Variants in FBXW7 observed in about 807,000 individuals in gnomAD.
FBXW7 encodes the protein F-box and WD repeat domain containing 7.
A neutral mutation model predicts 86.3 loss-of-function variants in FBXW7; 11 were observed. That is an observed-to-expected ratio of 0.13 (90% confidence interval 0.08 to 0.21). The LOEUF is 0.21. FBXW7 is among the 10% of genes least tolerant of loss of function. The pLI, the probability that FBXW7 is intolerant of heterozygous loss-of-function variation, is 1.00. For missense variants in FBXW7, 488 were observed against 847.4 expected, an observed-to-expected ratio of 0.58 and a Z score of 5.27; for synonymous variants, 313 against 297.9, an observed-to-expected ratio of 1.05 and a Z score of -0.52.
At chr4:152,419,820 AT>A (rs1198495609) in intron 2 of FBXW7, among the ~76,000 whole-genome samples, 2 of 152,192 alleles carry the variant, frequency 1.3e-5, no homozygotes, top group African/African-American at 2.4e-5. Flanking sequence ...TGTAAAAAAA[AT>A]GTACATACCT....
chr4:152,454,556 T>A (rs1742231798), intron 2 of FBXW7, among the ~76,000 whole-genome samples: 1 of 151,926 alleles, frequency 6.6e-6, no homozygotes, highest in Non-Finnish European at 1.5e-5. Context: ...CTGGTTGAAC[T>A]GAATGCAAAA....
At chr4:152,515,095 C>T (rs543034150) in intron 2 of FBXW7, among the ~76,000 whole-genome samples, 1 of 152,260 alleles carries the variant, frequency 6.6e-6, no homozygotes, top group East Asian at 1.9e-4. Context: ...AGGTCAAGAA[C>T]ATCTAGGAAA....
Position 152,528,938 on chromosome 4 carries a change from TTG to T in FBXW7, c.-120+6001_-120+6002del, listed in dbSNP as rs142822510. On this transcript the variant is annotated intron_variant, in intron 2 of 13. Transcript: ENST00000281708. ...CTAGGTATATCTACACATACATACT[TTG>T]TGTGTGTGTGTGTGTGTGTACATTT... Among the ~76,000 whole-genome samples the T allele has an allele frequency of 2.5e-4, 37 of 149,894 alleles. No individual in the cohort carries two copies. The East Asian group carries it at 3.7e-3, about 15-fold the overall frequency.
At chr4:152,411,207 A>C (rs1737919933) in intron 4 of FBXW7, 96 bp downstream of exon 4, 11 of 1,385,986 alleles carry the variant, frequency 7.9e-6, no homozygotes, top group Non-Finnish European at 1.0e-5. Flanking sequence ...TCTTAAGATT[A>C]ATTTTTAGTA....
intron 4 of FBXW7, among the ~76,000 whole-genome samples, chr4:152,375,752 A>C (rs1434744402): frequency 3.9e-5 from 6 of 152,136 alleles, no homozygotes; most frequent in African/African-American, 7.2e-5. Flanking sequence ...ATGTCTTGTA[A>C]CATTAGAAAC....
chr4:152,349,589 C>A (rs1258945854), intron 5 of FBXW7, among the ~76,000 whole-genome samples: 3 of 151,762 alleles, frequency 2.0e-5, no homozygotes, highest in Non-Finnish European at 3.0e-5. Flanking sequence ...ACCTACCAAG[C>A]CCATAAAAGA....
At chr4:152,392,885 T>C (rs549258512) in intron 4 of FBXW7, among the ~76,000 whole-genome samples, 32 of 152,320 alleles carry the variant, frequency 2.1e-4, no homozygotes, top group African/African-American at 6.5e-4. Context: ...CAAGTTTCTA[T>C]TTTCATAATA....
chr4:152,422,957 TTGATC>T (rs1317839408), intron 2 of FBXW7, among the ~76,000 whole-genome samples: 1 of 152,222 alleles, frequency 6.6e-6, no homozygotes, highest in Non-Finnish European at 1.5e-5. Context: ...AAATTTATGT[TTGATC>T]TGACTTTTCG....
At chr4:152,341,155 A>G (rs568064478) in intron 6 of FBXW7, among the ~76,000 whole-genome samples, 1 of 152,306 alleles carries the variant, frequency 6.6e-6, no homozygotes, top group East Asian at 1.9e-4. Flanking sequence ...TGCTACTGTC[A>G]GAAAGTCTTA....
At chr4:152,534,283 G>A (rs200080876) in intron 2 of FBXW7, among the ~76,000 whole-genome samples, 4,611 of 151,496 alleles carry the variant, frequency 0.03, 119 homozygotes, top group African/African-American at 0.061. Flanking sequence ...GGGTGAAAGG[G>A]AAAAAATCAC....
chr4:152,442,670 G>A (rs1485559536), intron 2 of FBXW7, among the ~76,000 whole-genome samples: 1 of 152,080 alleles, frequency 6.6e-6, no homozygotes, highest in East Asian at 1.9e-4. Context: ...ATAAAAATCA[G>A]CAATAATGAC....
At chr4:152,467,912 G>T (rs773870013) in intron 2 of FBXW7, among the ~76,000 whole-genome samples, 1 of 151,852 alleles carries the variant, frequency 6.6e-6, no homozygotes, top group Non-Finnish European at 1.5e-5. Flanking sequence ...TCATGTATGT[G>T]ATAAGGGACT....
intron 2 of FBXW7, among the ~76,000 whole-genome samples, chr4:152,469,445 C>T (rs184999459): frequency 1.7e-4 from 26 of 152,130 alleles, no homozygotes; most frequent in African/African-American, 5.5e-4. Flanking sequence ...CAGACACCTA[C>T]AAAATTTTTC....
At chr4:152,330,941 T>C in intron 8 of FBXW7, 73 bp from the exon 9 acceptor site, 3 of 1,435,680 alleles carry the variant, frequency 2.1e-6, no homozygotes, top group Non-Finnish European at 2.8e-6. Context: ...AAGTATTCCA[T>C]CTTTATAAAG....
chr4:152,385,400 C>T (rs945382872), intron 4 of FBXW7, among the ~76,000 whole-genome samples: 1 of 151,888 alleles, frequency 6.6e-6, no homozygotes, highest in Non-Finnish European at 1.5e-5. Flanking sequence ...CATTTAAAAG[C>T]CCTCAAAGAA....
intron 4 of FBXW7, among the ~76,000 whole-genome samples, chr4:152,370,900 CA>C (rs1316403190): frequency 1.3e-5 from 2 of 151,826 alleles, no homozygotes; most frequent in Non-Finnish European, 2.9e-5. Flanking sequence ...AAGACACTAT[CA>C]AAGTCACAAA....
chr4:152,447,430 C>CA (rs1389456925), intron 2 of FBXW7, among the ~76,000 whole-genome samples: 1 of 152,086 alleles, frequency 6.6e-6, no homozygotes, highest in Non-Finnish European at 1.5e-5. Flanking sequence ...ACACCATCAG[C>CA]AAAACTTTTA....
At chr4:152,442,264 C>G (rs1406426462) in intron 2 of FBXW7, among the ~76,000 whole-genome samples, 3 of 152,170 alleles carry the variant, frequency 2.0e-5, no homozygotes, top group Non-Finnish European at 4.4e-5. Flanking sequence ...GGTTCTCAAA[C>G]TTCAGTAGAA....
chr4:152,386,307 A>G (rs959670155), intron 4 of FBXW7, among the ~76,000 whole-genome samples: 1 of 152,070 alleles, frequency 6.6e-6, no homozygotes, highest in African/African-American at 2.4e-5. Context: ...TGGCTTTACC[A>G]GGTATGACCT....
Sources: gnomAD v4.1 joint callset for allele counts (sites outside exome capture counted in the v4.1 genomes callset) on GRCh38, gnomAD v4.1.1 for gene constraint, MANE v1.5 for transcripts, NCBI Gene and HGNC (gene_info 2026-07-23, HGNC 2026-07-21) for gene names.